The following IRAK3 variants were observed in gnomAD, a reference collection of about 807,000 sequenced individuals.
IRAK3 encodes interleukin 1 receptor associated kinase 3.
In IRAK3, 57 loss-of-function variants were observed where a neutral mutation model predicts 56.6. That is an observed-to-expected ratio of 1.01 (90% CI 0.81 to 1.26). The LOEUF (loss-of-function observed/expected upper bound fraction) is 1.26. Among genes scored for constraint, IRAK3 ranks in the 50% most tolerant of loss-of-function variants. IRAK3 has a pLI of 0.00. For synonymous variants in IRAK3, 258 were observed against 255.7 expected (o/e 1.01, Z -0.09); for missense variants, 703 against 719.0 (o/e 0.98, Z 0.25).
intron 7 of IRAK3, among the ~76,000 whole-genome samples, chr12:66,227,308 A>G (rs1304033529): frequency 6.6e-6 from 1 of 152,140 alleles, no homozygotes; most frequent in Non-Finnish European, 1.5e-5. Context: ...AAAAAAATAA[A>G]TTGGCTGGGC....
intron 1 of IRAK3, among the ~76,000 whole-genome samples, chr12:66,199,411 A>G (rs1018384952): frequency 2.0e-5 from 3 of 152,194 alleles, no homozygotes; most frequent in Non-Finnish European, 4.4e-5. Flanking sequence ...TTTTCCTTGG[A>G]AAGCAGGATA....
chr12:66,211,742 G>A, intron 5 of IRAK3, 145 bp downstream of exon 5: 1 of 693,658 alleles, frequency 1.4e-6, no homozygotes, highest in Non-Finnish European at 2.5e-6. Flanking sequence ...GATTTCAGAT[G>A]ACTGGAGAAG....
intron 1 of IRAK3, among the ~76,000 whole-genome samples, chr12:66,202,985 T>G (rs2052523956): frequency 1.3e-5 from 2 of 151,844 alleles, no homozygotes. Context: ...GATAAATAAA[T>G]AAATAAATGT....
chr12:66,215,655 A>C (rs2052662891), intron 5 of IRAK3, among the ~76,000 whole-genome samples: 1 of 152,156 alleles, frequency 6.6e-6, no homozygotes, highest in African/African-American at 2.4e-5. Flanking sequence ...AAAATACCTG[A>C]GATTACCAAG....
chr12:66,205,140 C>T (rs1222139455), intron 2 of IRAK3, among the ~76,000 whole-genome samples: 1 of 152,166 alleles, frequency 6.6e-6, no homozygotes, highest in East Asian at 1.9e-4. Flanking sequence ...CAAACTTACG[C>T]CACTTTAATA....
intron 5 of IRAK3, among the ~76,000 whole-genome samples, chr12:66,215,820 A>G (rs1235763066): frequency 3.4e-5 from 5 of 148,142 alleles, no homozygotes; most frequent in Admixed American, 2.6e-4. Context: ...ACACACACAC[A>G]CACACACACT....
At chr12:66,189,482 C>T (rs936990689) in intron 1 of IRAK3, 50 bp downstream of exon 1, 3 of 1,119,526 alleles carry the variant, frequency 2.7e-6, no homozygotes, top group South Asian at 4.4e-5. Flanking sequence ...CAGCGCGCCG[C>T]GGGGCCCGCT....
chr12:66,191,680 G>C (rs1177958302), intron 1 of IRAK3, among the ~76,000 whole-genome samples: 3 of 152,164 alleles, frequency 2.0e-5, no homozygotes, highest in Admixed American at 2.0e-4. Context: ...GCAACTGCCT[G>C]TGCTAAACAT....
At chr12:66,247,479 T>C (rs1020340600) in intron 11 of IRAK3, among the ~76,000 whole-genome samples, 2 of 152,200 alleles carry the variant, frequency 1.3e-5, no homozygotes, top group Non-Finnish European at 2.9e-5. Flanking sequence ...GTATTTACTT[T>C]AGTGTAGTTT....
chr12:66,214,752 A>T (rs1306798596), intron 5 of IRAK3, among the ~76,000 whole-genome samples: 2 of 152,180 alleles, frequency 1.3e-5, no homozygotes, highest in African/African-American at 2.4e-5. Context: ...AAAAAAATGA[A>T]CTTTTAAAAA....
chr12:66,246,680 C>T (rs1255781286), intron 11 of IRAK3, among the ~76,000 whole-genome samples: 2 of 152,188 alleles, frequency 1.3e-5, no homozygotes, highest in African/African-American at 4.8e-5. Flanking sequence ...GCTTTATCAT[C>T]TATAAAATGA....
Position 66,254,300 on chromosome 12 carries a change from T to TACAAAAAATTA in IRAK3, c.*6129_*6130insACAAAAAATTA. ...AACTGAAACATCCTTCAGTAAAAGA[T>TACAAAAAATTA]GGATTAAATAAATTCCATGCAGTTG... is the stretch of plus-strand genomic sequence containing the variant. On this transcript the variant is annotated 3_prime_UTR_variant, in exon 12 of 12. Transcript: ENST00000261233. 6.6e-6 allele frequency: 1 copy of TACAAAAAATTA among 152,182 alleles called. No homozygotes were observed. Among genetic ancestry groups the TACAAAAAATTA allele is most frequent in the African/African-American group, 2.4e-5 (1 of 41,440 alleles). 9.4% of individuals were successfully genotyped at this position (152,182 alleles called of 1,614,324 possible). A position where few individuals can be genotyped will look rare whatever the true frequency, so the allele number is the denominator to read the frequency against.
intron 5 of IRAK3, among the ~76,000 whole-genome samples, chr12:66,213,263 C>A (rs1183664663): frequency 1.3e-5 from 2 of 152,002 alleles, no homozygotes; most frequent in African/African-American, 4.8e-5. Flanking sequence ...AGACCCACCC[C>A]CATGATTCAA....
intron 1 of IRAK3, 136 bp from the exon 2 acceptor site, chr12:66,203,575 A>T: frequency 1.3e-6 from 1 of 796,096 alleles, no homozygotes; most frequent in Non-Finnish European, 2.1e-6. Flanking sequence ...ATTCCAAATT[A>T]GTTCAAAATA....
intron 8 of IRAK3, among the ~76,000 whole-genome samples, chr12:66,243,906 A>G (rs2052998886): frequency 6.6e-6 from 1 of 152,224 alleles, no homozygotes; most frequent in Admixed American, 6.5e-5. Flanking sequence ...ACAACTGCTT[A>G]TATTGACTAT....
At chr12:66,240,660 C>T (rs1040722466) in intron 8 of IRAK3, among the ~76,000 whole-genome samples, 6 of 151,874 alleles carry the variant, frequency 4.0e-5, no homozygotes, top group African/African-American at 1.5e-4. Context: ...TCAGGCTGTC[C>T]CAGAGGGGCC....
At chr12:66,228,148 C>T in intron 7 of IRAK3, 104 bp from the exon 8 acceptor site, 2 of 869,042 alleles carry the variant, frequency 2.3e-6, no homozygotes, top group Non-Finnish European at 4.0e-6. Flanking sequence ...CCACCTCACC[C>T]CACCTTGCTA....
intron 8 of IRAK3, among the ~76,000 whole-genome samples, chr12:66,242,197 G>A (rs1281406091): frequency 6.6e-6 from 1 of 152,126 alleles, no homozygotes; most frequent in African/African-American, 2.4e-5. Context: ...AAAGTTGAAG[G>A]GCAGAAGGTG....
chr12:66,220,932 G>T (rs140597724), intron 6 of IRAK3, among the ~76,000 whole-genome samples: 45 of 152,310 alleles, frequency 3.0e-4, no homozygotes, highest in African/African-American at 1.0e-3. Context: ...TGATAGAAAT[G>T]TGTTGAATGT....
Sources: gnomAD v4.1 joint callset for allele counts (sites outside exome capture counted in the v4.1 genomes callset) on GRCh38, gnomAD v4.1.1 for gene constraint, MANE v1.5 for transcripts, NCBI Gene and HGNC (gene_info 2026-07-23, HGNC 2026-07-21) for gene names.